STK33: variants seen among roughly 807,000 people sequenced by gnomAD.
STK33 encodes the protein serine/threonine-protein kinase 33.
STK33 carries 52 observed loss-of-function variants against 58.0 expected under a neutral mutation model. The ratio of observed to expected loss-of-function variants is 0.90; its 90% CI spans 0.72 to 1.13. The LOEUF is 1.13. Ranked by LOEUF, STK33 falls within the 50% of genes most tolerant of loss-of-function variation. The pLI is 0.00. For synonymous variants in STK33, 215 were observed against 200.1 expected (o/e 1.07, Z -0.63); for missense variants, 630 against 604.2 (o/e 1.04, Z -0.45).
At chr11:8,439,280 G>A (rs1944425054) in intron 12 of STK33, among the ~76,000 whole-genome samples, 1 of 151,952 alleles carries the variant, frequency 6.6e-6, no homozygotes, top group South Asian at 2.1e-4. Context: ...TGTCCTCCAT[G>A]GAATTTAGAA....
At chr11:8,513,889 T>A (rs1036915201) in intron 1 of STK33, among the ~76,000 whole-genome samples, 1 of 152,168 alleles carries the variant, frequency 6.6e-6, no homozygotes, top group East Asian at 1.9e-4. Flanking sequence ...CACCCTGCAG[T>A]GCTATCAAAT....
chr11:8,573,726 A>T (rs964038179), intron 1 of STK33, among the ~76,000 whole-genome samples: 1 of 152,212 alleles, frequency 6.6e-6, no homozygotes, highest in Admixed American at 6.5e-5. Context: ...TAGCACATCC[A>T]TACTAAGGAC....
intron 15 of STK33, among the ~76,000 whole-genome samples, chr11:8,409,128 C>T (rs1939773174): frequency 6.6e-6 from 1 of 152,178 alleles, no homozygotes; most frequent in East Asian, 1.9e-4. Flanking sequence ...CAGTTGAGGC[C>T]ACCTATTTAA....
At chr11:8,452,994 T>C (rs977593288) in intron 10 of STK33, 88 bp from the exon 11 acceptor site, 10 of 1,230,612 alleles carry the variant, frequency 8.1e-6, no homozygotes, top group South Asian at 2.5e-5. Context: ...TGAATTTGCA[T>C]TGAATTCTGG....
At chr11:8,343,565 A>G in the STK33 span, among the ~76,000 whole-genome samples, 1 of 152,162 alleles carries the variant, frequency 6.6e-6, no homozygotes, top group Non-Finnish European at 1.5e-5. Flanking sequence ...GAACAGGGAA[A>G]GGGTGGGGAC....
At chr11:8,475,238 C>T (rs1186342192) in intron 4 of STK33, 172 bp from the exon 5 acceptor site, 3 of 200,604 alleles carry the variant, frequency 1.5e-5, no homozygotes, top group East Asian at 2.3e-4. Context: ...TCTTATCAAA[C>T]TGCGTAGTGG....
chr11:8,418,153 C>T (rs903641337), intron 14 of STK33, among the ~76,000 whole-genome samples: 3 of 151,622 alleles, frequency 2.0e-5, no homozygotes, highest in African/African-American at 7.3e-5. Flanking sequence ...TATAGGTAAA[C>T]TCGTGTCACA....
intron 1 of STK33, among the ~76,000 whole-genome samples, chr11:8,557,725 TA>T (rs1956863719): frequency 2.0e-5 from 3 of 151,780 alleles, no homozygotes; most frequent in Admixed American, 2.0e-4. Flanking sequence ...TACTTCAACC[TA>T]TATCATCACT....
chr11:8,414,307 G>A (rs1003901884), intron 14 of STK33, among the ~76,000 whole-genome samples: 1 of 152,088 alleles, frequency 6.6e-6, no homozygotes, highest in African/African-American at 2.4e-5. Context: ...TATATTAACT[G>A]TATTTTCCCA....
At position 8,473,759 on chromosome 11, in the gene STK33, G is replaced by C. The variant is rs559058198; in HGVS notation, c.226-483C>G. Among the ~76,000 whole-genome samples the C allele has an allele frequency of 8.5e-5, 13 of 152,256 alleles. No individual in the cohort carries two copies. In the South Asian group the frequency reaches 2.7e-3, roughly 32 times the overall value. ...TACAAATCAGAAATAACAGTCAAGG[G>C]AGAACATATGAAGAAGGCAAAATTT... On this transcript the variant is annotated intron_variant, in intron 5 of 15. Transcript: ENST00000687296.
chr11:8,379,925 C>T, the STK33 span, among the ~76,000 whole-genome samples: 2 of 152,158 alleles, frequency 1.3e-5, no homozygotes, highest in African/African-American at 4.8e-5. Context: ...TAATGGCCTC[C>T]AGCTCCATCC....
At chr11:8,498,007 C>A (rs1042518021) in intron 1 of STK33, among the ~76,000 whole-genome samples, 2 of 152,012 alleles carry the variant, frequency 1.3e-5, no homozygotes, top group African/African-American at 4.8e-5. Flanking sequence ...AAAAAGGATA[C>A]ACACTAAGAC....
intron 11 of STK33, among the ~76,000 whole-genome samples, chr11:8,445,559 T>C (rs1945333546): frequency 6.6e-6 from 1 of 152,226 alleles, no homozygotes; most frequent in South Asian, 2.1e-4. Flanking sequence ...GTTTCATCAA[T>C]ACCTAGTTTA....
At chr11:8,376,872 T>C in the STK33 span, among the ~76,000 whole-genome samples, 1 of 152,160 alleles carries the variant, frequency 6.6e-6, no homozygotes, top group African/African-American at 2.4e-5. Context: ...AGATCACATC[T>C]TCCAGCTGCC....
the STK33 span, among the ~76,000 whole-genome samples, chr11:8,383,054 C>A: frequency 6.6e-6 from 1 of 152,320 alleles, no homozygotes; most frequent in African/African-American, 2.4e-5. Context: ...GTCCACGAAT[C>A]CCTGTTAACA....
At chr11:8,534,582 G>C (rs1192575068) in intron 1 of STK33, among the ~76,000 whole-genome samples, 1 of 151,178 alleles carries the variant, frequency 6.6e-6, no homozygotes, top group East Asian at 1.9e-4. Context: ...GTGTGTGTGT[G>C]TGTGTGTGTG....
chr11:8,368,873 A>G, the STK33 span, among the ~76,000 whole-genome samples: 1 of 152,244 alleles, frequency 6.6e-6, no homozygotes, highest in African/African-American at 2.4e-5. Context: ...TTCACCTTCA[A>G]ATCCACATCT....
chr11:8,563,420 G>A (rs573526463), intron 1 of STK33, among the ~76,000 whole-genome samples: 107 of 152,272 alleles, frequency 7.0e-4, no homozygotes, highest in African/African-American at 2.5e-3. Context: ...TAACCACCAT[G>A]ACACAAAATT....
intron 1 of STK33, among the ~76,000 whole-genome samples, chr11:8,582,127 C>T (rs1591898462): frequency 6.6e-6 from 1 of 152,118 alleles, no homozygotes; most frequent in African/African-American, 2.4e-5. Flanking sequence ...ATTTTAATTC[C>T]TACTTCCATA....
Sources: allele counts gnomAD v4.1 joint callset (sites outside exome capture counted in the v4.1 genomes callset), GRCh38; gene constraint gnomAD v4.1.1; transcripts MANE v1.5; gene names NCBI Gene and HGNC (gene_info 2026-07-23, HGNC 2026-07-21).